The following SH3RF3 variants were observed in gnomAD, a reference collection of about 807,000 sequenced individuals.
SH3RF3 encodes the protein E3 ubiquitin-protein ligase SH3RF3.
SH3RF3 carries 29 observed loss-of-function variants against 66.3 expected under a neutral mutation model. The ratio of observed to expected loss-of-function variants is 0.44; its 90% CI spans 0.33 to 0.60. SH3RF3 has a LOEUF of 0.60. SH3RF3 is among the 20% of genes least tolerant of loss of function. The probability of loss-of-function intolerance (pLI) is 0.04; values close to 1 mark genes in which losing one functional copy is unlikely to be tolerated. For missense variants in SH3RF3, 1,194 were observed against 1,190.9 expected (o/e 1.00, Z -0.04); for synonymous variants, 583 against 532.0 (o/e 1.10, Z -1.32).
chr2:109,249,811 C>T (rs574867802), intron 1 of SH3RF3, among the ~76,000 whole-genome samples: 45 of 151,630 alleles, frequency 3.0e-4, no homozygotes, highest in Admixed American at 1.6e-3. Flanking sequence ...CGCCCGCCAC[C>T]GCGCCCGGCT....
At chr2:109,444,333 G>A (rs1425862057) in intron 7 of SH3RF3, among the ~76,000 whole-genome samples, 1 of 152,222 alleles carries the variant, frequency 6.6e-6, no homozygotes, top group African/African-American at 2.4e-5. Flanking sequence ...AGTCAACTCT[G>A]TGGGTCTATA....
intron 1 of SH3RF3, among the ~76,000 whole-genome samples, chr2:109,207,629 C>G (rs935847323): frequency 6.6e-6 from 1 of 152,030 alleles, no homozygotes; most frequent in Admixed American, 6.6e-5. Context: ...AAGATTGTTT[C>G]CAGGGGTGCA....
chr2:109,191,056 C>A (rs560942163), intron 1 of SH3RF3, among the ~76,000 whole-genome samples: 142 of 152,138 alleles, frequency 9.3e-4, no homozygotes, highest in South Asian at 3.1e-3. Flanking sequence ...CACAAAGAGT[C>A]TAACCTCCTC....
chr2:109,147,814 G>A (rs1049910692), intron 1 of SH3RF3, among the ~76,000 whole-genome samples: 1 of 152,152 alleles, frequency 6.6e-6, no homozygotes, highest in African/African-American at 2.4e-5. Context: ...CCATTGATCT[G>A]TCATTTAATA....
rs1453170105 is a variant in SH3RF3, at chr2:109,223,023, C to T, written c.573+92910C>T. On this transcript the variant is annotated intron_variant, in intron 1 of 9. Coordinates refer to ENST00000309415, the MANE Select transcript of SH3RF3 (RefSeq NM_001099289.3). ...TTCAGGGTGAAGAGGGCACTGTCCGCCCCTGTGGCCATCAGATGGTGTGAT... is the reference window on the plus strand; with the variant it reads ...TTCAGGGTGAAGAGGGCACTGTCCGTCCCTGTGGCCATCAGATGGTGTGAT... Among the ~76,000 whole-genome samples the T allele has an allele frequency of 3.3e-5, 5 of 152,350 alleles. No homozygotes were observed. In the East Asian group the frequency reaches 7.7e-4, roughly 24 times the overall value.
intron 1 of SH3RF3, among the ~76,000 whole-genome samples, chr2:109,321,974 G>T (rs72627482): frequency 1.3e-5 from 2 of 152,100 alleles, no homozygotes; most frequent in African/African-American, 4.8e-5. Context: ...ATTGGTCCTC[G>T]TTATTCAGTA....
At chr2:109,195,389 A>T (rs1307660347) in intron 1 of SH3RF3, among the ~76,000 whole-genome samples, 2 of 152,202 alleles carry the variant, frequency 1.3e-5, no homozygotes, top group Non-Finnish European at 2.9e-5. Context: ...GCCCTCTGGG[A>T]CCAGGCAGGC....
In SH3RF3 at chr2:109,361,887, A is replaced by AT. The variant is rs1006807032; in HGVS notation, c.850-9692dup. Among the ~76,000 whole-genome samples, 3 of 152,064 alleles carry AT rather than the reference A, an allele frequency of 2.0e-5. No homozygotes were observed. The East Asian group carries it at 5.8e-4, about 29-fold the overall frequency. ...ATAGCATTATTCATAATATTCTTTT[A>AT]TTTTTTTAACATCCATGGGACATAC... On this transcript the variant is annotated intron_variant, in intron 2 of 9. Coordinates refer to ENST00000309415, the MANE Select transcript of SH3RF3 (RefSeq NM_001099289.3).
At chr2:109,447,327 G>T (rs1441123022) in intron 7 of SH3RF3, among the ~76,000 whole-genome samples, 1 of 152,070 alleles carries the variant, frequency 6.6e-6, no homozygotes, top group Non-Finnish European at 1.5e-5. Flanking sequence ...GTCAGAAGAA[G>T]GCCTGACTCC....
intron 2 of SH3RF3, among the ~76,000 whole-genome samples, chr2:109,363,461 A>C (rs922583999): frequency 6.6e-6 from 1 of 152,220 alleles, no homozygotes; most frequent in Non-Finnish European, 1.5e-5. Flanking sequence ...TAAAATGATC[A>C]AATACATTGT....
chr2:109,400,353 TACAC>T (rs1676273081), intron 4 of SH3RF3, among the ~76,000 whole-genome samples: 1 of 151,676 alleles, frequency 6.6e-6, no homozygotes, highest in African/African-American at 2.4e-5. Context: ...TGCACTTACA[TACAC>T]CGCCATCCAC....
Position 109,411,251 on chromosome 2 carries a change from C to T in SH3RF3, c.1300-8288C>T, listed in dbSNP as rs143405044. ...CAGGCAGTGCGCAGCTCAGGCTTTG[C>T]AGGATGCTGGCCGTGTGGAAGTCTG... On this transcript the variant is annotated intron_variant, in intron 4 of 9. Transcript: ENST00000309415. Among the ~76,000 whole-genome samples, 20 of 152,342 alleles carry T rather than the reference C, an allele frequency of 1.3e-4. 2 individuals are homozygous for T. The East Asian group carries it at 3.7e-3, about 28-fold the overall frequency.
chr2:109,280,483 C>T (rs750686429), intron 1 of SH3RF3, among the ~76,000 whole-genome samples: 79 of 152,232 alleles, frequency 5.2e-4, no homozygotes, highest in African/African-American at 7.0e-4. Context: ...TTCTCGTTCC[C>T]GGGTGCTGGT....
intron 8 of SH3RF3, among the ~76,000 whole-genome samples, chr2:109,450,062 T>G (rs1288904599): frequency 3.3e-5 from 5 of 152,162 alleles, no homozygotes; most frequent in Non-Finnish European, 7.4e-5. Flanking sequence ...AAAGAAAATC[T>G]GGGCCAGGCG....
intron 1 of SH3RF3, among the ~76,000 whole-genome samples, chr2:109,238,297 A>T (rs1285680525): frequency 6.6e-6 from 1 of 152,192 alleles, no homozygotes; most frequent in Non-Finnish European, 1.5e-5. Context: ...TGGCAAGTAC[A>T]CTAATATCAC....
At chr2:109,408,224 C>T (rs554236968) in intron 4 of SH3RF3, among the ~76,000 whole-genome samples, 1 of 152,204 alleles carries the variant, frequency 6.6e-6, no homozygotes, top group Non-Finnish European at 1.5e-5. Flanking sequence ...GCACACAGTC[C>T]ATGCCTCAGA....
At chr2:109,274,750 A>G (rs1172785522) in intron 1 of SH3RF3, among the ~76,000 whole-genome samples, 1 of 152,304 alleles carries the variant, frequency 6.6e-6, no homozygotes, top group Non-Finnish European at 1.5e-5. Context: ...ATGCCATTAA[A>G]TTGTTCACTT....
At chr2:109,387,582 G>T (rs1386948728) in intron 3 of SH3RF3, among the ~76,000 whole-genome samples, 1 of 152,156 alleles carries the variant, frequency 6.6e-6, no homozygotes, top group East Asian at 1.9e-4. Context: ...ATCTCCTCAA[G>T]GTCTTGGCTC....
Position 109,129,924 on chromosome 2 carries a change from C to A in SH3RF3, c.384C>A (p.Gly128=). 6.7e-7 allele frequency: 1 copy of A among 1,493,476 alleles called. No homozygotes were observed. Among genetic ancestry groups the A allele is most frequent in the Non-Finnish European group, 8.9e-7 (1 of 1,127,698 alleles). The allele number at this position is 1,493,476 out of a possible 1,614,324, so 92.5% of individuals were successfully genotyped here. A position where few individuals can be genotyped will look rare whatever the true frequency, so the allele number is the denominator to read the frequency against. The change falls in exon 1 of 10, where the codon GGC becomes GGA. Residue 128 remains glycine, a synonymous_variant. Coordinates refer to ENST00000309415, the MANE Select transcript of SH3RF3 (RefSeq NM_001099289.3). The part of the protein sequence containing the change: ...LDGIRQRPRA[G]TSPGGSPPAR... ...GCATCCGTCAGCGGCCCCGCGCGGG[C>A]ACCAGCCCCGGCGGCAGCCCGCCCG...
Sources: gnomAD v4.1 joint callset for allele counts (sites outside exome capture counted in the v4.1 genomes callset) on GRCh38, gnomAD v4.1.1 for gene constraint, MANE v1.5 for transcripts, NCBI Gene and HGNC (gene_info 2026-07-23, HGNC 2026-07-21) for gene names.